The following SHROOM3 variants were observed in gnomAD, a reference collection of about 807,000 sequenced individuals.
SHROOM3 encodes the protein protein Shroom3.
A neutral mutation model predicts 138.6 loss-of-function variants in SHROOM3; 47 were observed. The ratio of observed to expected loss-of-function variants is 0.34; its 90% CI spans 0.27 to 0.43. The LOEUF is 0.43. Ranked by LOEUF, SHROOM3 falls within the 20% of genes least tolerant of loss-of-function variation. The probability of loss-of-function intolerance (pLI) is 1.00; values close to 1 mark genes in which losing one functional copy is unlikely to be tolerated. For synonymous variants in SHROOM3, 1,062 were observed against 1,063.3 expected (o/e 1.00, Z 0.02); for missense variants, 2,491 against 2,596.5 (o/e 0.96, Z 0.88).
intron 4 of SHROOM3, among the ~76,000 whole-genome samples, chr4:76,731,168 C>T (rs1015261267): frequency 1.3e-5 from 2 of 152,170 alleles, no homozygotes; most frequent in Admixed American, 1.3e-4. Flanking sequence ...CACTGGCTGG[C>T]CATTTGAGAT....
At position 76,510,542 on chromosome 4, in the gene SHROOM3, T is replaced by C. The variant is rs116312362; in HGVS notation, c.169-45067T>C. Among the ~76,000 whole-genome samples the C allele has an allele frequency of 8.7e-3, 1,321 of 152,322 alleles. 16 individuals are homozygous for C. Among genetic ancestry groups the C allele is most frequent in the African/African-American group, 0.03 (1,258 of 41,560 alleles). On this transcript the variant is annotated intron_variant, in intron 1 of 10. Coordinates refer to ENST00000296043, the MANE Select transcript of SHROOM3 (RefSeq NM_020859.4). ...AGAATTGAGTGAGATATACACAAAGTGCTTAGCACAGCAGTTGATCCACAG... is the reference window on the plus strand; with the variant it reads ...AGAATTGAGTGAGATATACACAAAGCGCTTAGCACAGCAGTTGATCCACAG...
intron 2 of SHROOM3, chr4:76,638,816 C>T (rs1735576512): frequency 6.6e-6 from 1 of 152,148 alleles, no homozygotes; most frequent in Non-Finnish European, 1.5e-5. Context: ...CTTATCTTTT[C>T]CTTCCTCCGA....
chr4:76,444,746 G>A (rs1263076125), intron 1 of SHROOM3, among the ~76,000 whole-genome samples: 5 of 151,360 alleles, frequency 3.3e-5, no homozygotes, highest in East Asian at 2.0e-4. Context: ...CGCCTGCTTC[G>A]GCCTCCCAAA....
intron 1 of SHROOM3, among the ~76,000 whole-genome samples, chr4:76,538,881 T>C (rs988947347): frequency 6.6e-6 from 1 of 152,176 alleles, no homozygotes; most frequent in African/African-American, 2.4e-5. Flanking sequence ...CCCACTAGTA[T>C]AGTGGAGGGC....
chr4:76,602,249 GA>G (rs1202311551), intron 2 of SHROOM3, among the ~76,000 whole-genome samples: 1 of 151,794 alleles, frequency 6.6e-6, no homozygotes, highest in Non-Finnish European at 1.5e-5. Context: ...CTAATACAAA[GA>G]AAACTCAAAT....
intron 3 of SHROOM3, among the ~76,000 whole-genome samples, chr4:76,720,318 C>T (rs548538880): frequency 7.6e-4 from 115 of 151,926 alleles, no homozygotes; most frequent in Non-Finnish European, 1.3e-3. Flanking sequence ...CACCTTTTTT[C>T]GTGTTTTGAA....
chr4:76,442,270 G>A (rs1360820446), intron 1 of SHROOM3, among the ~76,000 whole-genome samples: 4 of 152,164 alleles, frequency 2.6e-5, no homozygotes, highest in Admixed American at 2.0e-4. Flanking sequence ...CGTACACAGA[G>A]AGAAAACTGA....
At chr4:76,437,497 G>A (rs1162560128) in intron 1 of SHROOM3, among the ~76,000 whole-genome samples, 1 of 152,114 alleles carries the variant, frequency 6.6e-6, no homozygotes, top group Non-Finnish European at 1.5e-5. Context: ...GTTGCATGAT[G>A]GATCCCACAA....
intron 2 of SHROOM3, among the ~76,000 whole-genome samples, chr4:76,697,915 T>C (rs1719791974): frequency 6.6e-6 from 1 of 152,034 alleles, no homozygotes; most frequent in African/African-American, 2.4e-5. Flanking sequence ...ATTCAAGCAT[T>C]TATGACACTA....
intron 1 of SHROOM3, among the ~76,000 whole-genome samples, chr4:76,476,405 T>C (rs1731486423): frequency 6.6e-6 from 1 of 152,214 alleles, no homozygotes; most frequent in African/African-American, 2.4e-5. Context: ...CTCTTCCAAA[T>C]GCTCATACAT....
chr4:76,707,453 T>C (rs2110116082), intron 2 of SHROOM3, among the ~76,000 whole-genome samples: 1 of 152,290 alleles, frequency 6.6e-6, no homozygotes, highest in African/African-American at 2.4e-5. Flanking sequence ...AAGCACACTT[T>C]TTTTTTTAAG....
intron 2 of SHROOM3, among the ~76,000 whole-genome samples, chr4:76,643,348 C>T (rs985091214): frequency 3.3e-5 from 5 of 152,044 alleles, no homozygotes; most frequent in African/African-American, 1.2e-4. Context: ...TATTATTGGC[C>T]CCACTTGACA....
At chr4:76,703,921 T>G (rs1297756170) in intron 2 of SHROOM3, among the ~76,000 whole-genome samples, 2 of 152,210 alleles carry the variant, frequency 1.3e-5, no homozygotes. Flanking sequence ...AAAATTGCAC[T>G]GAGCCATACC....
In SHROOM3 at chr4:76,740,426, G is replaced by A; in HGVS notation, c.2253G>A (p.Pro751=). ...AAGAGCCGCCTGCCCCCTCGCACCCGCACACATCCAGTCTGGGCCGGAGGG... is the reference window on the plus strand; with the variant it reads ...AAGAGCCGCCTGCCCCCTCGCACCCACACACATCCAGTCTGGGCCGGAGGG... The part of the protein sequence containing the change: ...SPEEPPAPSH[P]HTSSLGRRGP... Residue 751 remains proline (P), a synonymous_variant, in exon 5 of 11, where the codon CCG becomes CCA. Transcript: ENST00000296043. The surrounding 1 kb of genome is among the most constrained non-coding windows in gnomAD (Gnocchi z 4.0). 1.2e-6 allele frequency: 2 copies of A among 1,612,868 alleles called. No individual in the cohort carries two copies. Among genetic ancestry groups the A allele is most frequent in the Non-Finnish European group, 1.7e-6 (2 of 1,179,698 alleles).
chr4:76,681,623 G>GTA (rs1560589586), intron 2 of SHROOM3, among the ~76,000 whole-genome samples: 3 of 146,782 alleles, frequency 2.0e-5, no homozygotes, highest in Admixed American at 6.9e-5. Flanking sequence ...GTGTGTGTGT[G>GTA]TGTGTGTGTG....
chr4:76,767,989 G>A (rs1722218871), intron 9 of SHROOM3, among the ~76,000 whole-genome samples: 1 of 152,162 alleles, frequency 6.6e-6, no homozygotes, highest in Non-Finnish European at 1.5e-5. Flanking sequence ...TTTCCTGAGG[G>A]TGCAGTGATA....
intron 2 of SHROOM3, among the ~76,000 whole-genome samples, chr4:76,700,085 A>G (rs1719860892): frequency 6.6e-6 from 1 of 152,218 alleles, no homozygotes; most frequent in Admixed American, 6.5e-5. Flanking sequence ...CTTATTGGGC[A>G]TCATCCAAGG....
intron 1 of SHROOM3, among the ~76,000 whole-genome samples, chr4:76,538,395 G>T (rs1040462335): frequency 2.0e-5 from 3 of 152,166 alleles, no homozygotes; most frequent in African/African-American, 7.2e-5. Context: ...GCTTGGAGGA[G>T]GAGTCAAGGA....
At chr4:76,503,006 T>G (rs1248975792) in intron 1 of SHROOM3, among the ~76,000 whole-genome samples, 3 of 152,210 alleles carry the variant, frequency 2.0e-5, no homozygotes, top group Admixed American at 6.5e-5. Flanking sequence ...TATCTTCTTG[T>G]CTATCCTTGT....
Sources: gnomAD v4.1 joint callset for allele counts (sites outside exome capture counted in the v4.1 genomes callset) on GRCh38, gnomAD v4.1.1 for gene constraint, Gnocchi (gnomAD v3.1) non-coding constraint, MANE v1.5 for transcripts, NCBI Gene and HGNC (gene_info 2026-07-23, HGNC 2026-07-21) for gene names.